The following EIF4A1 variants were observed in gnomAD, a reference collection of about 807,000 sequenced individuals.
EIF4A1 encodes eukaryotic initiation factor 4A-I.
A neutral mutation model predicts 53.5 loss-of-function variants in EIF4A1; 11 were observed. The observed-to-expected ratio is 0.21, with a 90% confidence interval of 0.13 to 0.34. The LOEUF is 0.34. Ranked by LOEUF, EIF4A1 falls within the 10% of genes least tolerant of loss-of-function variation. The pLI is 1.00. For synonymous variants in EIF4A1, 237 were observed against 186.7 expected, an observed-to-expected ratio of 1.27 and a Z score of -2.20; for missense variants, 213 against 530.8, an observed-to-expected ratio of 0.40 and a Z score of 5.88.
At chr17:7,576,060 C>CT (rs1356757389) in intron 4 of EIF4A1, 1 of 155,034 alleles carries the variant, frequency 6.5e-6, no homozygotes, top group Non-Finnish European at 1.4e-5. Flanking sequence ...TTTATCCCAG[C>CT]TACTCGGGAA....
chr17:7,578,433 T>A lies in EIF4A1; in HGVS notation c.1168T>A (p.Phe390Ile). The A allele has an allele frequency of 1.9e-6, 3 of 1,613,540 alleles. No homozygotes were observed. The highest frequency in any genetic ancestry group is 2.5e-6 in the Non-Finnish European group (3 of 1,179,678). The change falls in exon 11 of 11, where the codon TTC becomes ATC. Residue 390 changes from phenylalanine (F) to isoleucine (I), a missense_variant. Phe to Ile is a conservative substitution (Grantham distance 21). Coordinates refer to ENST00000293831, the MANE Select transcript of EIF4A1 (RefSeq NM_001416.4). The stretch of plus-strand genomic sequence containing the variant: ...GAGGACTCTTCGAGACATTGAGACC[T>A]TCTACAACACCTCCATTGAGGAAAT... ...DKRTLRDIET[F>I]YNTSIEEMPL... is the part of the protein sequence containing the mutation.
At chr17:7,576,716 C>G (rs752655216) in intron 5 of EIF4A1, 24 bp downstream of exon 5, 1 of 1,582,222 alleles carries the variant, frequency 6.3e-7, no homozygotes, top group Non-Finnish European at 8.6e-7. Context: ...TTCTCCAATC[C>G]CCTGGGTCAC....
chr17:7,576,806 G>A (rs1217717415), intron 5 of EIF4A1, 114 bp downstream of exon 5: 1 of 1,533,360 alleles, frequency 6.5e-7, no homozygotes, highest in South Asian at 1.2e-5. Flanking sequence ...TCTGGGGGAA[G>A]AGCTGCTCTG....
rs1280850445 is a variant in EIF4A1, at chr17:7,574,217, C to T, written c.24-43C>T. Reference sequence around the variant, plus strand: ...GCCCGGCTGTCAGGATTTCTGAGTGCTTCGGTCGGGCAGGGGACAAAACTT... The same window carrying T: ...GCCCGGCTGTCAGGATTTCTGAGTGTTTCGGTCGGGCAGGGGACAAAACTT... On this transcript the variant is annotated intron_variant, in intron 1 of 10. Transcript: ENST00000293831. 5 of 1,612,658 alleles carry T rather than the reference C, an allele frequency of 3.1e-6. No individual in the cohort carries two copies. The East Asian group carries it at 8.9e-5, about 29-fold the overall frequency.
chr17:7,577,948 A>AT lies in EIF4A1; in HGVS notation c.996+32_996+33insT, dbSNP rs771491942. The AT allele has an allele frequency of 8.1e-6, 13 of 1,613,426 alleles. No individual in the cohort carries two copies. Among genetic ancestry groups the AT allele is most frequent in the Non-Finnish European group, 1.1e-5 (13 of 1,179,430 alleles). On this transcript the variant is annotated intron_variant, in intron 9 of 10. Coordinates refer to ENST00000293831, the MANE Select transcript of EIF4A1 (RefSeq NM_001416.4). This position sits in a 1 kb window ranked among gnomAD's most constrained non-coding sequence, Gnocchi z 4.7. ...AGAGGGAACTGATAGCAAAGGCAGA[A>AT]GGGAGGATCCAAGGTGATTCCCTCT...
chr17:7,576,704 G>A lies in EIF4A1; in HGVS notation c.514+12G>A, dbSNP rs973646295. ...CCGGAGATACCTGTGTGAGTAATTCGGTTCTCCAATCCCCTGGGTCACTTT... is the reference window on the plus strand; with the variant it reads ...CCGGAGATACCTGTGTGAGTAATTCAGTTCTCCAATCCCCTGGGTCACTTT... On this transcript the variant is annotated intron_variant, in intron 5 of 10. Coordinates refer to ENST00000293831, the MANE Select transcript of EIF4A1 (RefSeq NM_001416.4). The A allele has an allele frequency of 1.4e-5, 22 of 1,591,178 alleles. No individual in the cohort carries two copies. The Admixed American group carries it at 2.3e-4, about 16-fold the overall frequency.
chr17:7,577,533 A>G lies in EIF4A1; in HGVS notation c.769-36A>G, dbSNP rs1178495373. The stretch of plus-strand genomic sequence containing the variant: ...CGGGCCTGGTAGTGAGTTGTTGGGT[A>G]TAGCCCCTGACTGATTTTTGTCCCC... On this transcript the variant is annotated intron_variant, in intron 7 of 10. Coordinates refer to ENST00000293831, the MANE Select transcript of EIF4A1 (RefSeq NM_001416.4). This position sits in a 1 kb window ranked among gnomAD's most constrained non-coding sequence, Gnocchi z 4.7. 1.9e-6 allele frequency: 3 copies of G among 1,613,084 alleles called. No individual in the cohort carries two copies. Among genetic ancestry groups the G allele is most frequent in the East Asian group, 4.5e-5 (2 of 44,874 alleles).
chr17:7,572,920 C>T, intron 1 of EIF4A1, 56 bp downstream of exon 1: 2 of 1,614,026 alleles, frequency 1.2e-6, no homozygotes, highest in Non-Finnish European at 1.7e-6. Context: ...CCCCTTCCGA[C>T]GGGCCCGCCG....
Position 7,577,214 on chromosome 17 carries a change from G to A in EIF4A1, c.624+49G>A. 1 of 1,571,052 alleles carries A rather than the reference G, an allele frequency of 6.4e-7. No individual in the cohort carries two copies. The highest frequency in any genetic ancestry group is 8.6e-7 in the Non-Finnish European group (1 of 1,161,236). On this transcript the variant is annotated intron_variant, in intron 6 of 10. Transcript: ENST00000293831. This position sits in a 1 kb window ranked among gnomAD's most constrained non-coding sequence, Gnocchi z 4.7. ...GCTAATGATTCTTGAAAAATAGTAA[G>A]TGCCAGGGGAACCATATACTGGATT...
At chr17:7,576,175 G>A (rs551160921) in intron 4 of EIF4A1, 2,689 of 168,640 alleles carry the variant, frequency 0.016, 37 homozygotes, top group Non-Finnish European at 0.022. Context: ...CTCAAAAAAA[G>A]AAAAAAAAAA....
chr17:7,574,740 T>A, intron 3 of EIF4A1, 62 bp downstream of exon 3: 1 of 1,605,524 alleles, frequency 6.2e-7, no homozygotes, highest in East Asian at 2.2e-5. Flanking sequence ...GAGTGGCATC[T>A]GGTTGGTGAT....
In EIF4A1 at chr17:7,573,788, G is replaced by T. The variant is rs868032571; in HGVS notation, c.24-472G>T. ...CCTCCCACATCCGGGCAACGCGAGGGGGGGGCTTCGGCTGGAGGGAGTGGG... is the reference window on the plus strand; with the variant it reads ...CCTCCCACATCCGGGCAACGCGAGGTGGGGGCTTCGGCTGGAGGGAGTGGG... On this transcript the variant is annotated intron_variant, in intron 1 of 10. Transcript: ENST00000293831. 2.0e-4 allele frequency: 32 copies of T among 158,358 alleles called. 1 individual carries two copies. Among genetic ancestry groups the T allele is most frequent in the South Asian group, 1.3e-3 (8 of 6,250 alleles). 9.8% of individuals were successfully genotyped at this position (158,358 alleles called of 1,614,324 possible). A position where few individuals can be genotyped will look rare whatever the true frequency, so the allele number is the denominator to read the frequency against.
Position 7,576,907 on chromosome 17 carries a change from G to A in EIF4A1, c.515-149G>A, listed in dbSNP as rs1262426974. 3.8e-6 allele frequency: 5 copies of A among 1,330,716 alleles called. No individual in the cohort carries two copies. The African/African-American group carries it at 7.2e-5, about 19-fold the overall frequency. 82.4% of individuals were successfully genotyped at this position (1,330,716 alleles called of 1,614,324 possible). On this transcript the variant is annotated intron_variant, in intron 5 of 10. Coordinates refer to ENST00000293831, the MANE Select transcript of EIF4A1 (RefSeq NM_001416.4). ...TACTTCCCAGGGCTGTTGTCTGCCT[G>A]GCGGGAAGGTCCTGGGCAAAGGATC...
rs778237139 is a variant in EIF4A1 at position 7,577,850 on chromosome 17, A to G, written c.930A>G (p.Glu310=). 2.5e-6 allele frequency: 4 copies of G among 1,614,176 alleles called. No individual in the cohort carries two copies. The highest frequency in any genetic ancestry group is 3.4e-6 in the Non-Finnish European group (4 of 1,180,040). ...SAMHGDMDQK[E]RDVIMREFRS... ...AGCATGGAGATATGGACCAAAAGGA[A>G]CGAGACGTGATTATGAGGGAGTTTC... The change falls in exon 9 of 11, where the codon GAA becomes GAG. Residue 310 remains glutamate, a synonymous_variant. Coordinates refer to ENST00000293831, the MANE Select transcript of EIF4A1 (RefSeq NM_001416.4). This position sits in a 1 kb window ranked among gnomAD's most constrained non-coding sequence, Gnocchi z 4.7.
Position 7,574,244 on chromosome 17 carries a change from T to G in EIF4A1, c.24-16T>G, listed in dbSNP as rs182916229. On this transcript the variant is annotated splice_polypyrimidine_tract_variant and intron_variant, in intron 1 of 10. Transcript: ENST00000293831. The stretch of plus-strand genomic sequence containing the variant: ...TCGGTCGGGCAGGGGACAAAACTTA[T>G]GCTTTAAACCAACAGATCCAGAGAC... 9.3e-6 allele frequency: 15 copies of G among 1,613,968 alleles called. No homozygotes were observed. The highest frequency in any genetic ancestry group is 1.3e-5 in the Non-Finnish European group (15 of 1,180,030).
Position 7,578,693 on chromosome 17 carries a change from C to A in EIF4A1, c.*207C>A. 52 of 353,806 alleles carry A rather than the reference C, an allele frequency of 1.5e-4. No homozygotes were observed. The highest frequency in any genetic ancestry group is 7.9e-4 in the Middle Eastern group (1 of 1,258). 21.9% of individuals were successfully genotyped at this position (353,806 alleles called of 1,614,324 possible). A position where few individuals can be genotyped will look rare whatever the true frequency, so the allele number is the denominator to read the frequency against. ...TAGGCTCTTGCCCCAGGCGCCGGCT[C>A]TTCTCCCAAAAAAAAAAAAAAAACA... On this transcript the variant is annotated 3_prime_UTR_variant, in exon 11 of 11. Coordinates refer to ENST00000293831, the MANE Select transcript of EIF4A1 (RefSeq NM_001416.4).
intron 1 of EIF4A1, 24 bp downstream of exon 1, chr17:7,572,888 T>C (rs201604628): frequency 6.4e-5 from 104 of 1,614,124 alleles, no homozygotes; most frequent in East Asian, 2.7e-4. Context: ...TTGCAAGAGA[T>C]TGTGGCTGCT....
At chr17:7,576,423 C>T in intron 4 of EIF4A1, 101 bp from the exon 5 acceptor site, 1 of 1,427,616 alleles carries the variant, frequency 7.0e-7, no homozygotes, top group African/African-American at 1.4e-5. Flanking sequence ...ATAGTGCATG[C>T]CCCAAAGTTG....
At chr17:7,575,698 G>A (rs2071391808) in intron 4 of EIF4A1, 1 of 287,004 alleles carries the variant, frequency 3.5e-6, no homozygotes, top group South Asian at 3.5e-5. Flanking sequence ...GTCAGAGCAT[G>A]TTTTTAAATG....
Sources: gnomAD v4.1 joint callset for allele counts on GRCh38, gnomAD v4.1.1 for gene constraint, Gnocchi (gnomAD v3.1) non-coding constraint, MANE v1.5 for transcripts, NCBI Gene and HGNC (gene_info 2026-07-23, HGNC 2026-07-21) for gene names.